Variants in CNTFR observed in about 807,000 individuals in gnomAD.
The protein encoded by CNTFR is ciliary neurotrophic factor receptor, also known as ciliary neurotrophic factor receptor subunit alpha.
In CNTFR, 12 loss-of-function variants were observed where a neutral mutation model predicts 40.4. The observed-to-expected ratio is 0.30, with a 90% CI of 0.19 to 0.48. The LOEUF is 0.48. Among genes scored for constraint, CNTFR ranks in the 20% least tolerant of loss-of-function variants. The probability of loss-of-function intolerance (pLI) is 0.99; values close to 1 mark genes in which losing one functional copy is unlikely to be tolerated. For synonymous variants in CNTFR, 202 were observed against 209.6 expected, an observed-to-expected ratio of 0.96 and a Z score of 0.31; for missense variants, 414 against 506.8, an observed-to-expected ratio of 0.82 and a Z score of 1.76.
intron 4 of CNTFR, among the ~76,000 whole-genome samples, chr9:34,561,477 G>T (rs1214133244): frequency 2.0e-5 from 3 of 152,166 alleles, no homozygotes; most frequent in Admixed American, 2.0e-4. Flanking sequence ...GCTTCCTAAT[G>T]TGGGGGGTCC....
chr9:34,589,751 T>A (rs1250883788), upstream of CNTFR: 3 of 150,512 alleles, frequency 2.0e-5, no homozygotes, highest in African/African-American at 7.4e-5. The surrounding 1 kb of genome is among the most constrained non-coding windows in gnomAD (Gnocchi z 4.4). Flanking sequence ...TCGGCGGCTT[T>A]AACCCCCCCA....
intron 2 of CNTFR, among the ~76,000 whole-genome samples, chr9:34,577,740 A>G (rs1827053903): frequency 6.6e-6 from 1 of 152,196 alleles, no homozygotes; most frequent in Admixed American, 6.5e-5. Flanking sequence ...GTCCGATTGC[A>G]GCCAATGGGC....
At chr9:34,586,117 C>A (rs1051773557) in intron 1 of CNTFR, among the ~76,000 whole-genome samples, 1 of 152,196 alleles carries the variant, frequency 6.6e-6, no homozygotes, top group South Asian at 2.1e-4. Context: ...GGCAGCCCCA[C>A]CCACTGATGT....
chr9:34,582,915 C>T (rs1827374718), intron 1 of CNTFR: 1 of 152,294 alleles, frequency 6.6e-6, no homozygotes, highest in African/African-American at 2.4e-5. Flanking sequence ...AAGAAACAGA[C>T]TGTGAAAGCA....
chr9:34,561,236 T>C (rs1826062199), intron 4 of CNTFR, among the ~76,000 whole-genome samples: 1 of 152,116 alleles, frequency 6.6e-6, no homozygotes, highest in Non-Finnish European at 1.5e-5. Context: ...AGCCCTCTCC[T>C]CACTCTTTCC....
intron 2 of CNTFR, among the ~76,000 whole-genome samples, chr9:34,575,083 G>A (rs2132220380): frequency 6.6e-6 from 1 of 152,322 alleles, no homozygotes; most frequent in African/African-American, 2.4e-5. Flanking sequence ...ACCCTCAAAA[G>A]TCATCTGGTC....
intron 4 of CNTFR, among the ~76,000 whole-genome samples, chr9:34,561,764 G>A (rs1485549896): frequency 6.6e-6 from 1 of 152,222 alleles, no homozygotes; most frequent in Non-Finnish European, 1.5e-5. Flanking sequence ...TTGATACTGA[G>A]TGTTGCCAAA....
chr9:34,564,648 G>A lies in CNTFR; in HGVS notation c.270C>T (p.Phe90=). The A allele has an allele frequency of 6.2e-7, 1 of 1,613,584 alleles. No homozygotes were observed. Residue 90 remains phenylalanine (F), a synonymous_variant, in exon 4 of 10, where the codon TTC becomes TTT. Transcript: ENST00000378980. ...GGCGCAGGTGCCAGGAGTCACGGTG[G>A]AAGCAGGCGTAGAGGCCACTGTGGC... is the stretch of plus-strand genomic sequence containing the variant. ...ELGHSGLYAC[F]HRDSWHLRHQ... is the part of the protein sequence containing the mutation.
chr9:34,567,665 G>A (rs1434783779), intron 3 of CNTFR, among the ~76,000 whole-genome samples: 2 of 152,180 alleles, frequency 1.3e-5, no homozygotes, highest in Admixed American at 1.3e-4. Context: ...ACAATTACAT[G>A]TGGGGTACAG....
chr9:34,578,051 C>T (rs1221032474), intron 2 of CNTFR, among the ~76,000 whole-genome samples: 1 of 151,568 alleles, frequency 6.6e-6, no homozygotes, highest in East Asian at 1.9e-4. Flanking sequence ...GTGCCTCCGG[C>T]GCTCCGTGGG....
Position 34,557,440 on chromosome 9 carries a change from T to A in CNTFR, c.604+86A>T. 6.9e-7 allele frequency: 1 copy of A among 1,455,976 alleles called. No homozygotes were observed. The highest frequency in any genetic ancestry group is 1.9e-5 in the Admixed American group (1 of 53,564). The allele number at this position is 1,455,976 out of a possible 1,614,324, so 90.2% of individuals were successfully genotyped here. A position where few individuals can be genotyped will look rare whatever the true frequency, so the allele number is the denominator to read the frequency against. On this transcript the variant is annotated intron_variant, in intron 6 of 9. Coordinates refer to ENST00000378980, the MANE Select transcript of CNTFR (RefSeq NM_147164.3). This position sits in a 1 kb window ranked among gnomAD's most constrained non-coding sequence, Gnocchi z 4.2. ...TGTACATGCCATGTATACATGTGCA[T>A]GCATGTGGACATCCCCACCAATGGC...
intron 3 of CNTFR, among the ~76,000 whole-genome samples, chr9:34,567,758 A>G (rs1252813180): frequency 6.6e-6 from 1 of 152,224 alleles, no homozygotes; most frequent in Non-Finnish European, 1.5e-5. Context: ...CGTGAGGAAC[A>G]GTCCACAAGG....
chr9:34,575,284 A>AC (rs966802510), intron 2 of CNTFR, among the ~76,000 whole-genome samples: 12 of 152,166 alleles, frequency 7.9e-5, no homozygotes, highest in Non-Finnish European at 1.8e-4. Flanking sequence ...GGAAAGGCAC[A>AC]CACACCAGTT....
At chr9:34,588,838 C>T (rs549074970) in intron 1 of CNTFR, among the ~76,000 whole-genome samples, 20 of 152,160 alleles carry the variant, frequency 1.3e-4, no homozygotes, top group Admixed American at 1.2e-3. Context: ...ATACACTACT[C>T]GGAGCAACAC....
At position 34,552,896 on chromosome 9, in the gene CNTFR, G is replaced by A. The variant is rs1311130247; in HGVS notation, c.769-42C>T. 1 of 1,592,010 alleles carries A rather than the reference G, an allele frequency of 6.3e-7. No individual in the cohort carries two copies. Among genetic ancestry groups the A allele is most frequent in the Non-Finnish European group, 8.5e-7 (1 of 1,174,156 alleles). On this transcript the variant is annotated intron_variant, in intron 7 of 9. Coordinates refer to ENST00000378980, the MANE Select transcript of CNTFR (RefSeq NM_147164.3). This position sits in a 1 kb window ranked among gnomAD's most constrained non-coding sequence, Gnocchi z 5.1. Reference sequence around the variant, plus strand: ...GGGTGGGGGTAAGGACACACCTGGGGGCCAGGAGGGTGAGGTCCCTCCAGA... The same window carrying A: ...GGGTGGGGGTAAGGACACACCTGGGAGCCAGGAGGGTGAGGTCCCTCCAGA...
At chr9:34,553,091 T>A (rs1825703615) in intron 7 of CNTFR, among the ~76,000 whole-genome samples, 1 of 152,102 alleles carries the variant, frequency 6.6e-6, no homozygotes, top group Non-Finnish European at 1.5e-5. Context: ...ATGACATCTT[T>A]AAGGAGACCA....
intron 3 of CNTFR, among the ~76,000 whole-genome samples, chr9:34,565,239 C>T (rs1037376322): frequency 5.9e-4 from 89 of 152,050 alleles, no homozygotes; most frequent in Non-Finnish European, 1.1e-3. Context: ...CAGGCCCAGC[C>T]CAGTTACTGA....
chr9:34,577,038 G>C (rs950284908), intron 2 of CNTFR, among the ~76,000 whole-genome samples: 2 of 152,232 alleles, frequency 1.3e-5, no homozygotes, highest in African/African-American at 2.4e-5. Context: ...CAGATGCCCA[G>C]CAGCAGGAGG....
chr9:34,567,808 C>A (rs562644409), intron 3 of CNTFR, among the ~76,000 whole-genome samples: 1 of 152,180 alleles, frequency 6.6e-6, no homozygotes, highest in Non-Finnish European at 1.5e-5. Flanking sequence ...CAGGGACACA[C>A]TCTCACCCTC....
Sources: allele counts gnomAD v4.1 joint callset (sites outside exome capture counted in the v4.1 genomes callset), GRCh38; gene constraint gnomAD v4.1.1; non-coding constraint Gnocchi (gnomAD v3.1); transcripts MANE v1.5; gene names NCBI Gene and HGNC (gene_info 2026-07-23, HGNC 2026-07-21).